Variants in TANC1 observed in about 807,000 individuals in gnomAD.
TANC1 encodes the protein tetratricopeptide repeat, ankyrin repeat and coiled-coil containing 1, also known as protein TANC1.
In TANC1, 77 loss-of-function variants were observed where a neutral mutation model predicts 149.7. The ratio of observed to expected loss-of-function variants is 0.51; its 90% confidence interval spans 0.43 to 0.62. The LOEUF (loss-of-function observed/expected upper bound fraction) is 0.62, where lower values mean the gene tolerates loss of function less well. Among genes scored for constraint, TANC1 ranks in the 20% least tolerant of loss-of-function variants. The pLI, the probability that TANC1 is intolerant of heterozygous loss-of-function variation, is 0.00. For missense variants in TANC1, 1,985 were observed against 2,321.8 expected, an observed-to-expected ratio of 0.85 and a Z score of 2.98; for synonymous variants, 854 against 925.0, an observed-to-expected ratio of 0.92 and a Z score of 1.39.
intron 3 of TANC1, among the ~76,000 whole-genome samples, chr2:159,066,749 A>G (rs535292943): frequency 6.3e-4 from 96 of 152,260 alleles, no homozygotes; most frequent in African/African-American, 2.1e-3. Flanking sequence ...GCTTGTTTTC[A>G]TTATAATGAG....
At chr2:159,060,452 TC>T (rs2042158312) in intron 2 of TANC1, among the ~76,000 whole-genome samples, 1 of 152,242 alleles carries the variant, frequency 6.6e-6, no homozygotes, top group Admixed American at 6.5e-5. Flanking sequence ...TGCAGCATTT[TC>T]CTCCCTAATA....
At position 159,230,419 on chromosome 2, in the gene TANC1, T is replaced by G. The variant is rs199693588; in HGVS notation, c.4993T>G (p.Ser1665Ala). 6.2e-7 allele frequency: 1 copy of G among 1,614,172 alleles called. No homozygotes were observed. The highest frequency in any genetic ancestry group is 1.7e-5 in the Admixed American group (1 of 60,026). Residue 1665 changes from serine to alanine, a missense_variant, in exon 27 of 27, where the codon TCT (serine) becomes GCT (alanine). Ser to Ala is a moderately conservative substitution (Grantham distance 99). Transcript: ENST00000263635. This position sits in a 1 kb window ranked among gnomAD's most constrained non-coding sequence, Gnocchi z 4.4. The stretch of plus-strand genomic sequence containing the variant: ...CCCAGCTTCCCTCACCAGCTCAGGC[T>G]CTTCTGGTTCTCCATCCAGCAGCAT... ...RHPASLTSSG[S>A]SGSPSSSIKM...
At chr2:159,146,946 AT>A (rs1447090854) in intron 5 of TANC1, among the ~76,000 whole-genome samples, 1 of 150,610 alleles carries the variant, frequency 6.6e-6, no homozygotes, top group Non-Finnish European at 1.5e-5. Flanking sequence ...AAAAAAAAAA[AT>A]GAAACACTTG....
At chr2:159,210,248 C>T (rs913020299) in intron 19 of TANC1, among the ~76,000 whole-genome samples, 4 of 152,180 alleles carry the variant, frequency 2.6e-5, no homozygotes, top group African/African-American at 7.2e-5. Context: ...CTCTCCAAGC[C>T]CCCAAGTTGG....
chr2:159,144,835 A>G (rs2051882484), intron 5 of TANC1, among the ~76,000 whole-genome samples: 1 of 152,234 alleles, frequency 6.6e-6, no homozygotes, highest in Non-Finnish European at 1.5e-5. Flanking sequence ...GAAGCAGGTC[A>G]TGGATAGATA....
At chr2:158,998,853 C>A (rs1379543934) in intron 1 of TANC1, among the ~76,000 whole-genome samples, 2 of 152,192 alleles carry the variant, frequency 1.3e-5, no homozygotes, top group Non-Finnish European at 2.9e-5. Context: ...CCATTCCCCC[C>A]TCCCCTCTGA....
At chr2:159,088,518 T>C (rs1351175651) in intron 3 of TANC1, among the ~76,000 whole-genome samples, 1 of 152,192 alleles carries the variant, frequency 6.6e-6, no homozygotes, top group Non-Finnish European at 1.5e-5. Flanking sequence ...TTTTCTTTCC[T>C]TATCTTTAAT....
intron 2 of TANC1, among the ~76,000 whole-genome samples, chr2:159,006,499 T>A (rs1292396398): frequency 6.6e-6 from 1 of 152,188 alleles, no homozygotes; most frequent in Non-Finnish European, 1.5e-5. Flanking sequence ...TTAAGTAAAA[T>A]ACTTTTTGCT....
At chr2:159,085,605 C>T (rs1408890288) in intron 3 of TANC1, among the ~76,000 whole-genome samples, 1 of 152,144 alleles carries the variant, frequency 6.6e-6, no homozygotes, top group Non-Finnish European at 1.5e-5. Context: ...CCAGCATCTG[C>T]TTTGGTGAGG....
chr2:159,164,302 T>C (rs1416421144), intron 8 of TANC1, among the ~76,000 whole-genome samples: 1 of 152,192 alleles, frequency 6.6e-6, no homozygotes, highest in Non-Finnish European at 1.5e-5. Context: ...AAAAATACAG[T>C]CTCACAACTA....
intron 1 of TANC1, among the ~76,000 whole-genome samples, chr2:158,979,788 C>G (rs1174646334): frequency 1.3e-5 from 2 of 152,176 alleles, no homozygotes; most frequent in East Asian, 3.8e-4. Flanking sequence ...ATTCCCAAGG[C>G]AATGGGTTTG....
intron 4 of TANC1, among the ~76,000 whole-genome samples, chr2:159,116,775 G>T (rs1056131734): frequency 1.3e-5 from 2 of 152,188 alleles, no homozygotes; most frequent in African/African-American, 4.8e-5. Context: ...TGGAAACTTA[G>T]CATTTATTCA....
At chr2:159,064,723 C>G (rs1288860055) in intron 2 of TANC1, among the ~76,000 whole-genome samples, 5 of 152,152 alleles carry the variant, frequency 3.3e-5, no homozygotes, top group Admixed American at 2.0e-4. Flanking sequence ...CTATGAATGG[C>G]AACACATTGG....
chr2:159,134,807 G>A (rs111517052), intron 4 of TANC1, among the ~76,000 whole-genome samples: 1 of 151,648 alleles, frequency 6.6e-6, no homozygotes, highest in Non-Finnish European at 1.5e-5. Flanking sequence ...TTTGTATAGA[G>A]ACCAGGTCTT....
chr2:159,187,229 T>A (rs2057057329), intron 16 of TANC1, among the ~76,000 whole-genome samples: 1 of 152,184 alleles, frequency 6.6e-6, no homozygotes, highest in Admixed American at 6.5e-5. Context: ...CAGGAAGATG[T>A]GGGTGGTCAG....
chr2:159,216,665 A>G (rs1044739358), intron 19 of TANC1, among the ~76,000 whole-genome samples: 2 of 152,058 alleles, frequency 1.3e-5, no homozygotes, highest in South Asian at 4.1e-4. Flanking sequence ...TTCTCCTTGC[A>G]TGCCATTTTT....
Position 159,107,118 on chromosome 2 carries a change from C to T in TANC1, c.259+9284C>T, listed in dbSNP as rs186529416. On this transcript the variant is annotated intron_variant, in intron 4 of 26. Transcript: ENST00000263635. ...TCTCGGCTCATTGCAGCTTCCACCT[C>T]CTGGGTTCAAGCGATTCTCCTGTCT... is the stretch of plus-strand genomic sequence containing the variant. Among the ~76,000 whole-genome samples, 894 of 152,308 alleles carry T rather than the reference C, an allele frequency of 5.9e-3. 6 individuals carry two copies. The highest frequency in any genetic ancestry group is 0.012 in the South Asian group (57 of 4,820).
chr2:159,040,332 T>C (rs2040530274), intron 2 of TANC1, among the ~76,000 whole-genome samples: 1 of 152,222 alleles, frequency 6.6e-6, no homozygotes. Flanking sequence ...GAAGTTCTCC[T>C]GGATAATATC....
rs368329947 is a variant in TANC1, at chr2:159,230,067, G to A, written c.4641G>A (p.Val1547=). 1.2e-6 allele frequency: 2 copies of A among 1,613,918 alleles called. No homozygotes were observed. The highest frequency in any genetic ancestry group is 1.3e-5 in the African/African-American group (1 of 74,940). ...SQHLGSGQSA[V]RNGSMKVQIS... ...ACCTGGGCTCTGGCCAGTCGGCAGT[G>A]AGAAATGGCAGTATGAAAGTTCAGA... The change falls in exon 27 of 27, where the codon GTG becomes GTA. Residue 1547 remains valine (V), a synonymous_variant. Coordinates refer to ENST00000263635, the MANE Select transcript of TANC1 (RefSeq NM_033394.3). The surrounding 1 kb of genome is among the most constrained non-coding windows in gnomAD (Gnocchi z 4.4).
Sources: gnomAD v4.1 joint callset for allele counts (sites outside exome capture counted in the v4.1 genomes callset) on GRCh38, gnomAD v4.1.1 for gene constraint, Gnocchi (gnomAD v3.1) non-coding constraint, MANE v1.5 for transcripts, NCBI Gene and HGNC (gene_info 2026-07-23, HGNC 2026-07-21) for gene names.